The following ZBTB7C variants were observed in gnomAD, a reference collection of about 807,000 sequenced individuals.
ZBTB7C encodes zinc finger and BTB domain containing 7C, also known as zinc finger and BTB domain-containing protein 7C.
In ZBTB7C, 8 loss-of-function variants were observed where a neutral mutation model predicts 25.7. The ratio of observed to expected loss-of-function variants is 0.31; its 90% CI spans 0.18 to 0.56. The LOEUF is 0.56. ZBTB7C is among the 20% of genes least tolerant of loss of function. The pLI is 0.91. For synonymous variants in ZBTB7C, 394 were observed against 369.0 expected (o/e 1.07, Z -0.78); for missense variants, 824 against 855.2 (o/e 0.96, Z 0.46).
At chr18:48,038,547 C>CTTTTTT (rs200367018) in intron 4 of ZBTB7C, among the ~76,000 whole-genome samples, 1 of 132,238 alleles carries the variant, frequency 7.6e-6, no homozygotes, top group Non-Finnish European at 1.6e-5. Flanking sequence ...GAGGACTCAT[C>CTTTTTT]TTTTTTTTTT....
intron 3 of ZBTB7C, among the ~76,000 whole-genome samples, chr18:48,093,016 CG>C (rs1441149132): frequency 6.6e-6 from 1 of 152,140 alleles, no homozygotes; most frequent in Non-Finnish European, 1.5e-5. Flanking sequence ...TGCAAGTGCC[CG>C]GGGGCCAGTC....
chr18:48,268,219 C>G (rs552569146), intron 2 of ZBTB7C, among the ~76,000 whole-genome samples: 1 of 152,172 alleles, frequency 6.6e-6, no homozygotes, highest in Non-Finnish European at 1.5e-5. Context: ...ACTTCTCCAG[C>G]CCCATGTCAT....
chr18:48,085,496 C>A (rs1466228207), intron 3 of ZBTB7C, among the ~76,000 whole-genome samples: 1 of 152,128 alleles, frequency 6.6e-6, no homozygotes, highest in Non-Finnish European at 1.5e-5. Flanking sequence ...GATCCCTGCT[C>A]TGCTATTCAT....
chr18:48,334,689 C>T (rs1281383412), intron 2 of ZBTB7C, among the ~76,000 whole-genome samples: 2 of 152,198 alleles, frequency 1.3e-5, no homozygotes, highest in Non-Finnish European at 2.9e-5. Flanking sequence ...AAAGAACAGC[C>T]ATATTTCGTG....
intron 3 of ZBTB7C, among the ~76,000 whole-genome samples, chr18:48,175,497 G>T (rs1286494168): frequency 6.6e-6 from 1 of 152,176 alleles, no homozygotes; most frequent in African/African-American, 2.4e-5. Context: ...ATACAAATAT[G>T]TCAGTGTATG....
intron 2 of ZBTB7C, among the ~76,000 whole-genome samples, chr18:48,219,731 G>A (rs2042906408): frequency 6.6e-6 from 1 of 152,246 alleles, no homozygotes. Flanking sequence ...TGAGCAAGGA[G>A]TCTTGCATGC....
At chr18:48,053,080 G>A (rs1374750917) in intron 3 of ZBTB7C, among the ~76,000 whole-genome samples, 1 of 152,156 alleles carries the variant, frequency 6.6e-6, no homozygotes, top group Non-Finnish European at 1.5e-5. Context: ...GGTCAAGGTG[G>A]GGTTATTATT....
intron 2 of ZBTB7C, among the ~76,000 whole-genome samples, chr18:48,243,527 A>C (rs1378619157): frequency 6.6e-6 from 1 of 152,180 alleles, no homozygotes; most frequent in Non-Finnish European, 1.5e-5. Flanking sequence ...ATCATAGACA[A>C]CACAAACAAA....
intron 1 of ZBTB7C, among the ~76,000 whole-genome samples, chr18:48,342,933 C>A (rs1006759007): frequency 6.6e-6 from 1 of 151,170 alleles, no homozygotes; most frequent in African/African-American, 2.4e-5. Context: ...TCCTTTGCAT[C>A]CTCCAGCCTA....
intron 3 of ZBTB7C, among the ~76,000 whole-genome samples, chr18:48,161,560 C>T (rs1225045080): frequency 6.6e-6 from 1 of 152,098 alleles, no homozygotes; most frequent in Non-Finnish European, 1.5e-5. Flanking sequence ...CTCTCCCTGC[C>T]GGCCCCACTC....
At chr18:48,276,759 A>T (rs1228490582) in intron 2 of ZBTB7C, among the ~76,000 whole-genome samples, 1 of 91,282 alleles carries the variant, frequency 1.1e-5, no homozygotes, top group Non-Finnish European at 2.2e-5. Context: ...CGCAATAAAC[A>T]TACGTGTGCA....
chr18:48,080,758 C>A (rs535095991), intron 3 of ZBTB7C, among the ~76,000 whole-genome samples: 2 of 152,322 alleles, frequency 1.3e-5, no homozygotes, highest in South Asian at 4.1e-4. Flanking sequence ...CCTGGGCAAG[C>A]CTCCAGAGCC....
intron 1 of ZBTB7C, among the ~76,000 whole-genome samples, chr18:48,367,987 A>G (rs1433931809): frequency 6.6e-6 from 1 of 152,034 alleles, no homozygotes; most frequent in African/African-American, 2.4e-5. Flanking sequence ...AAAAAAGCTA[A>G]AGCAGGTTTA....
intron 1 of ZBTB7C, among the ~76,000 whole-genome samples, chr18:48,395,279 G>C (rs981066415): frequency 1.1e-4 from 5 of 44,190 alleles, no homozygotes; most frequent in African/African-American, 3.9e-4. Flanking sequence ...GTGTGTGTGT[G>C]TGTGTGTGTG....
At chr18:48,307,503 A>T (rs2045703339) in intron 2 of ZBTB7C, among the ~76,000 whole-genome samples, 1 of 152,192 alleles carries the variant, frequency 6.6e-6, no homozygotes, top group Non-Finnish European at 1.5e-5. Context: ...ACGACTTATG[A>T]TCATGGTATT....
intron 3 of ZBTB7C, among the ~76,000 whole-genome samples, chr18:48,136,607 C>G (rs1172075245): frequency 6.6e-6 from 1 of 152,218 alleles, no homozygotes; most frequent in African/African-American, 2.4e-5. Flanking sequence ...ACCCGCAACT[C>G]CCTCTCGGAG....
intron 2 of ZBTB7C, among the ~76,000 whole-genome samples, chr18:48,331,395 G>T (rs963397178): frequency 6.6e-6 from 1 of 152,184 alleles, no homozygotes. Flanking sequence ...AAAAACTGAG[G>T]CTCGTGCAGC....
At chr18:48,248,001 G>C (rs1307114417) in intron 2 of ZBTB7C, among the ~76,000 whole-genome samples, 1 of 152,132 alleles carries the variant, frequency 6.6e-6, no homozygotes, top group Non-Finnish European at 1.5e-5. Flanking sequence ...TTGTGGTAGT[G>C]AATAAGTCTC....
chr18:48,163,433 C>T (rs1168985627), intron 3 of ZBTB7C, among the ~76,000 whole-genome samples: 1 of 152,206 alleles, frequency 6.6e-6, no homozygotes, highest in Non-Finnish European at 1.5e-5. Context: ...GAGTGCAGGG[C>T]CCATCTTCAA....
Sources: allele counts gnomAD v4.1 joint callset (sites outside exome capture counted in the v4.1 genomes callset), GRCh38; gene constraint gnomAD v4.1.1; transcripts MANE v1.5; gene names NCBI Gene and HGNC (gene_info 2026-07-23, HGNC 2026-07-21).